MUSK: variants seen among roughly 807,000 people sequenced by gnomAD.
MUSK encodes the protein muscle associated receptor tyrosine kinase.
Under a neutral mutation model 88.7 loss-of-function variants are expected in MUSK, and 55 were observed. The observed-to-expected ratio is 0.62, with a 90% CI of 0.50 to 0.78. The LOEUF (loss-of-function observed/expected upper bound fraction) is 0.78. Among genes scored for constraint, MUSK ranks in the 30% least tolerant of loss-of-function variants. The pLI, the probability that MUSK is intolerant of heterozygous loss-of-function variation, is 0.00. For missense variants in MUSK, 1,015 were observed against 1,074.3 expected (o/e 0.94, Z 0.77); for synonymous variants, 387 against 391.9 (o/e 0.99, Z 0.15).
intron 6 of MUSK, among the ~76,000 whole-genome samples, chr9:110,741,581 C>T (rs909525805): frequency 1.3e-5 from 2 of 152,178 alleles, no homozygotes; most frequent in Non-Finnish European, 2.9e-5. Context: ...CAAAGAATGT[C>T]TTATGGCAAT....
At chr9:110,766,016 C>T (rs1588011789) in intron 8 of MUSK, among the ~76,000 whole-genome samples, 7 of 152,178 alleles carry the variant, frequency 4.6e-5, no homozygotes, top group Admixed American at 4.6e-4. Context: ...TTTCTCAGCC[C>T]CTCTGTGCAG....
chr9:110,701,692 T>G (rs1186791338), intron 5 of MUSK, among the ~76,000 whole-genome samples: 13 of 190 alleles, frequency 0.068, 1 homozygote, highest in African/African-American at 0.39. Flanking sequence ...TTACTTTACT[T>G]TATTTTATTT....
At chr9:110,777,672 C>A (rs73542151) in intron 11 of MUSK, among the ~76,000 whole-genome samples, 4,356 of 152,108 alleles carry the variant, frequency 0.029, 219 homozygotes, top group African/African-American at 0.1. Flanking sequence ...GCTCACTCAT[C>A]CATTCAAACA....
intron 1 of MUSK, 93 bp from the exon 2 acceptor site, chr9:110,682,581 T>G: frequency 8.0e-7 from 1 of 1,244,946 alleles, no homozygotes; most frequent in South Asian, 1.7e-5. Context: ...AACAGAATTC[T>G]CATTCAGGTA....
intron 5 of MUSK, among the ~76,000 whole-genome samples, chr9:110,717,883 T>C (rs2076764679): frequency 6.6e-6 from 1 of 152,154 alleles, no homozygotes; most frequent in African/African-American, 2.4e-5. Flanking sequence ...CCATAATTTG[T>C]CATAGAATCT....
At chr9:110,788,343 T>C (rs1185809391) in intron 14 of MUSK, among the ~76,000 whole-genome samples, 1 of 152,172 alleles carries the variant, frequency 6.6e-6, no homozygotes, top group African/African-American at 2.4e-5. Flanking sequence ...CAAAAATCTG[T>C]GCTCTCGGCT....
At position 110,690,887 on chromosome 9, in the gene MUSK, T is replaced by G. The variant is rs138777783; in HGVS notation, c.358+3619T>G. Among the ~76,000 whole-genome samples the G allele has an allele frequency of 3.7e-3, 525 of 142,398 alleles. 6 individuals are homozygous for G. Among genetic ancestry groups the G allele is most frequent in the African/African-American group, 0.013 (505 of 38,072 alleles). 93.4% of individuals were successfully genotyped at this position (142,398 alleles called of 152,430 possible). ...ATATTTAAATAAATATATATATATT[T>G]TTTGAGACGGAGTCTCGCTCAGGCT... On this transcript the variant is annotated intron_variant, in intron 3 of 14. Transcript: ENST00000374448.
chr9:110,725,073 T>C (rs2076866286), intron 5 of MUSK, among the ~76,000 whole-genome samples: 1 of 151,956 alleles, frequency 6.6e-6, no homozygotes, highest in Admixed American at 6.6e-5. Context: ...AAATAACGCA[T>C]TAGAAATTAA....
intron 1 of MUSK, among the ~76,000 whole-genome samples, chr9:110,677,359 C>T (rs945674040): frequency 6.6e-6 from 1 of 152,330 alleles, no homozygotes; most frequent in African/African-American, 2.4e-5. Context: ...ATCAACATGA[C>T]CTCCTCATCA....
intron 3 of MUSK, 77 bp downstream of exon 3, chr9:110,687,345 T>C: frequency 6.4e-7 from 1 of 1,562,444 alleles, no homozygotes. Flanking sequence ...TTTTTACATT[T>C]TTTTTTTGAG....
intron 1 of MUSK, among the ~76,000 whole-genome samples, chr9:110,677,075 T>A (rs927173859): frequency 1.3e-5 from 2 of 152,134 alleles, no homozygotes; most frequent in Non-Finnish European, 2.9e-5. Flanking sequence ...GAGCCCCACA[T>A]AAATCTGCTT....
At chr9:110,682,931 G>A (rs1250803981) in intron 2 of MUSK, 131 bp downstream of exon 2, 5 of 550,156 alleles carry the variant, frequency 9.1e-6, no homozygotes, top group Non-Finnish European at 1.5e-5. Flanking sequence ...ACCTCATGGA[G>A]AATGGGGTAT....
intron 5 of MUSK, among the ~76,000 whole-genome samples, chr9:110,703,344 C>A (rs534989894): frequency 3.3e-5 from 5 of 152,204 alleles, no homozygotes; most frequent in Non-Finnish European, 5.9e-5. Flanking sequence ...CAAGACCAGC[C>A]TGGCCAACAT....
chr9:110,752,655 A>G (rs1270560993), intron 7 of MUSK, among the ~76,000 whole-genome samples: 3 of 152,212 alleles, frequency 2.0e-5, no homozygotes, highest in Admixed American at 1.3e-4. Context: ...TTTCTACTCC[A>G]TCTGTTTATT....
rs549487259 is a variant in MUSK, at chr9:110,797,401, A to G, written c.1928-2905A>G. 4.6e-5 allele frequency among the ~76,000 whole-genome samples: 7 copies of G among 152,198 alleles called. No individual in the cohort carries two copies. In the South Asian group the frequency reaches 1.5e-3, roughly 32 times the overall value. ...GATGAACAACAGGTAGAGTAACTGA[A>G]AATGAGATTATGGGAGGTATACAAA... On this transcript the variant is annotated intron_variant, in intron 14 of 14. Coordinates refer to ENST00000374448, the MANE Select transcript of MUSK (RefSeq NM_005592.4).
At chr9:110,759,512 A>G (rs2077370453) in intron 7 of MUSK, among the ~76,000 whole-genome samples, 1 of 152,250 alleles carries the variant, frequency 6.6e-6, no homozygotes, top group African/African-American at 2.4e-5. Context: ...ATAGCAAAAG[A>G]AACTATCAAC....
At chr9:110,771,570 T>C (rs1035220158) in intron 9 of MUSK, among the ~76,000 whole-genome samples, 4 of 152,212 alleles carry the variant, frequency 2.6e-5, no homozygotes, top group Non-Finnish European at 5.9e-5. Context: ...CATTGCTACA[T>C]GTAACAGTGG....
chr9:110,744,125 G>A (rs887205822), intron 6 of MUSK, among the ~76,000 whole-genome samples: 2 of 152,148 alleles, frequency 1.3e-5, no homozygotes, highest in African/African-American at 4.8e-5. Flanking sequence ...GTGCCATCAA[G>A]CCCAGCTAAC....
intron 14 of MUSK, among the ~76,000 whole-genome samples, chr9:110,797,765 T>C (rs2078033231): frequency 6.6e-6 from 1 of 152,190 alleles, no homozygotes; most frequent in African/African-American, 2.4e-5. Flanking sequence ...ACCCTCCTTA[T>C]TTACTTTCTC....
Sources: allele counts gnomAD v4.1 joint callset (sites outside exome capture counted in the v4.1 genomes callset), GRCh38; gene constraint gnomAD v4.1.1; transcripts MANE v1.5; gene names NCBI Gene and HGNC (gene_info 2026-07-23, HGNC 2026-07-21).